CACFD1: variants seen among roughly 807,000 people sequenced by gnomAD.
CACFD1 encodes calcium channel flower homolog.
In CACFD1, 26 loss-of-function variants were observed where a neutral mutation model predicts 21.3. The observed-to-expected ratio is 1.22, with a 90% CI of 0.89 to 1.69. The LOEUF is 1.69. CACFD1 is among the 40% of genes most tolerant of loss of function. The pLI, the probability that CACFD1 is intolerant of heterozygous loss-of-function variation, is 0.00. For missense variants in CACFD1, 265 were observed against 236.2 expected (o/e 1.12, Z -0.80); for synonymous variants, 121 against 106.6 (o/e 1.13, Z -0.83).
chr9:133,470,416 CAGG>C lies in CACFD1; in HGVS notation c.*1766_*1768del, dbSNP rs1302699636. The C allele has an allele frequency of 6.6e-6, 1 of 152,512 alleles. No individual in the cohort carries two copies. Among genetic ancestry groups the C allele is most frequent in the Non-Finnish European group, 1.5e-5 (1 of 68,226 alleles). 9.4% of individuals were successfully genotyped at this position (152,512 alleles called of 1,614,324 possible). On this transcript the variant is annotated 3_prime_UTR_variant, in exon 5 of 5. Transcript: ENST00000316948. ...GGGTCTCACTGACAGCCAGAGACAG[CAGG>C]AGAAGGGTTGGCTGTGGATCAAGGA...
At chr9:133,467,593 G>T (rs1008142853) in intron 3 of CACFD1, among the ~76,000 whole-genome samples, 1 of 152,236 alleles carries the variant, frequency 6.6e-6, no homozygotes, top group Non-Finnish European at 1.5e-5. Context: ...TGGATGGGAA[G>T]CCAGATTCTC....
intron 3 of CACFD1, among the ~76,000 whole-genome samples, chr9:133,467,681 G>A (rs986237441): frequency 2.6e-5 from 4 of 152,162 alleles, no homozygotes; most frequent in Non-Finnish European, 4.4e-5. Context: ...CTCTTTTTGG[G>A]ATCACAGACC....
Position 133,465,650 on chromosome 9 carries a change from C to T in CACFD1, c.320+203C>T, listed in dbSNP as rs1843408154. 1.0e-5 allele frequency: 6 copies of T among 586,118 alleles called. No homozygotes were observed. Among genetic ancestry groups the T allele is most frequent in the Admixed American group, 3.1e-5 (1 of 31,952 alleles). 36.3% of individuals were successfully genotyped at this position (586,118 alleles called of 1,614,324 possible). ...GTTCTGCGCCCAGGAACTCAGCTGT[C>T]GCTGTGCCGTAGTCACTGGAAGGTT... On this transcript the variant is annotated intron_variant, in intron 3 of 4. Transcript: ENST00000316948. The surrounding 1 kb of genome is among the most constrained non-coding windows in gnomAD (Gnocchi z 5.0).
At position 133,469,936 on chromosome 9, in the gene CACFD1, T is replaced by TGGGAGTGGCATTTGAGGCC. The variant is rs1843615997; in HGVS notation, c.*1294_*1295insTTGAGGCCGGGAGTGGCAT. 6.6e-6 allele frequency: 1 copy of TGGGAGTGGCATTTGAGGCC among 152,406 alleles called. No individual in the cohort carries two copies. The highest frequency in any genetic ancestry group is 1.5e-5 in the Non-Finnish European group (1 of 68,212). The allele number at this position is 152,406 out of a possible 1,614,324, so 9.4% of individuals were successfully genotyped here. ...TCTCGGGCCCATCTGCGTCTGAGGC[T>TGGGAGTGGCATTTGAGGCC]GGGAGTGGCATCTGAGGCCGGGAGT... On this transcript the variant is annotated 3_prime_UTR_variant, in exon 5 of 5. Transcript: ENST00000316948.
In CACFD1 at chr9:133,464,047, G is replaced by A. The variant is rs782170534; in HGVS notation, c.194+492G>A. 4.6e-5 allele frequency among the ~76,000 whole-genome samples: 7 copies of A among 152,314 alleles called. No homozygotes were observed. The East Asian group carries it at 7.7e-4, about 17-fold the overall frequency. Reference sequence around the variant, plus strand: ...GGGAGAGGCGGGTCGGAGTTGTCACGGGAACCCGTGGTCAGAACACCCTCA... The same window carrying A: ...GGGAGAGGCGGGTCGGAGTTGTCACAGGAACCCGTGGTCAGAACACCCTCA... On this transcript the variant is annotated intron_variant, in intron 2 of 4. Coordinates refer to ENST00000316948, the MANE Select transcript of CACFD1 (RefSeq NM_017586.5).
chr9:133,460,149 G>A lies in CACFD1; in HGVS notation c.83G>A (p.Arg28His), dbSNP rs140916557. The stretch of plus-strand genomic sequence containing the variant: ...GAAGAGGGCATGACGTGGTGGTACC[G>A]CTGGCTGTGTCGCCTGTCTGGGGTG... ...AQEEGMTWWY[R>H]WLCRLSGVLG... Residue 28 changes from arginine to histidine, a missense_variant, in exon 1 of 5, where the codon CGC (arginine) becomes CAC (histidine). Transcript: ENST00000316948. 1 of 1,559,390 alleles carries A rather than the reference G, an allele frequency of 6.4e-7. No homozygotes were observed. Among genetic ancestry groups the A allele is most frequent in the East Asian group, 2.4e-5 (1 of 41,560 alleles).
chr9:133,468,682 C>T lies in CACFD1; in HGVS notation c.*29C>T, dbSNP rs1554800219. ...GCTGGGCGCCCCTCCCTCCCTGTCC[C>T]CTCTTCTGGCTCTGTGTGGGTCCAA... On this transcript the variant is annotated 3_prime_UTR_variant, in exon 5 of 5. Transcript: ENST00000316948. The T allele has an allele frequency of 4.5e-6, 7 of 1,544,250 alleles. No individual in the cohort carries two copies. The South Asian group carries it at 4.8e-5, about 11-fold the overall frequency.
In CACFD1 at chr9:133,468,635, C is replaced by G; in HGVS notation, c.501C>G (p.Thr167=). The G allele has an allele frequency of 1.3e-6, 2 of 1,582,114 alleles. No homozygotes were observed. The highest frequency in any genetic ancestry group is 1.2e-5 in the South Asian group (1 of 86,328). Residue 167 remains threonine, a synonymous_variant, in exon 5 of 5, where the codon ACC becomes ACG. Coordinates refer to ENST00000316948, the MANE Select transcript of CACFD1 (RefSeq NM_017586.5). ...QQADEEKLAE[T]LEGEL ...CGGATGAGGAGAAGCTCGCGGAGAC[C>G]CTGGAGGGGGAGCTGTGAAGGGCTG... is the stretch of plus-strand genomic sequence containing the variant.
rs782495897 is a variant in CACFD1, at chr9:133,468,080, C to G, written c.428+52C>G. 6 of 1,461,764 alleles carry G rather than the reference C, an allele frequency of 4.1e-6. No individual in the cohort carries two copies. In the African/African-American group the frequency reaches 8.4e-5, roughly 20 times the overall value. The allele number at this position is 1,461,764 out of a possible 1,614,324, so 90.5% of individuals were successfully genotyped here. On this transcript the variant is annotated intron_variant, in intron 4 of 4. Transcript: ENST00000316948. ...GCAGGGCCTTCCTCCCTCCGCCCCC[C>G]GAAGTCCTTCAGTGAGGAGGATCTG...
Position 133,465,702 on chromosome 9 carries a change from C to T in CACFD1, c.320+255C>T, listed in dbSNP as rs587665047. ...AGAGGTATATGAGCATGTGTGGCAG[C>T]ATCCGTGCAGTGGAGAGAAAGTGGG... On this transcript the variant is annotated intron_variant, in intron 3 of 4. Coordinates refer to ENST00000316948, the MANE Select transcript of CACFD1 (RefSeq NM_017586.5). This position sits in a 1 kb window ranked among gnomAD's most constrained non-coding sequence, Gnocchi z 5.0. 2.1e-6 allele frequency: 1 copy of T among 472,570 alleles called. No individual in the cohort carries two copies. The highest frequency in any genetic ancestry group is 3.8e-6 in the Non-Finnish European group (1 of 265,174). 29.3% of individuals were successfully genotyped at this position (472,570 alleles called of 1,614,324 possible).
chr9:133,462,852 G>C (rs1415491943), intron 1 of CACFD1, among the ~76,000 whole-genome samples: 1 of 152,250 alleles, frequency 6.6e-6, no homozygotes, highest in East Asian at 1.9e-4. Flanking sequence ...TGGCTGGGCT[G>C]TGGGACTTGC....
Position 133,460,006 on chromosome 9 carries a change from C to G in CACFD1, c.-61C>G, listed in dbSNP as rs587693725. 1.4e-6 allele frequency: 2 copies of G among 1,466,960 alleles called. No homozygotes were observed. The highest frequency in any genetic ancestry group is 1.8e-6 in the Non-Finnish European group (2 of 1,111,044). 90.9% of individuals were successfully genotyped at this position (1,466,960 alleles called of 1,614,324 possible). A position where few individuals can be genotyped will look rare whatever the true frequency, so the allele number is the denominator to read the frequency against. On this transcript the variant is annotated 5_prime_UTR_variant, in exon 1 of 5. Coordinates refer to ENST00000316948, the MANE Select transcript of CACFD1 (RefSeq NM_017586.5). ...TCTCCCACAAGGCAGCGCGCCGGCT[C>G]GGACGCGGCCGGCTACCGAGCCCTT...
Position 133,460,040 on chromosome 9 carries a change from C to A in CACFD1, c.-27C>A. Reference sequence around the variant, plus strand: ...CCGGCTACCGAGCCCTTTGTGAGGGCTGTGAGCTGCGCCTGACGGTGGCAC... The same window carrying A: ...CCGGCTACCGAGCCCTTTGTGAGGGATGTGAGCTGCGCCTGACGGTGGCAC... On this transcript the variant is annotated 5_prime_UTR_variant, in exon 1 of 5. In the 5' UTR this introduces an upstream ATG that the reference lacks. Coordinates refer to ENST00000316948, the MANE Select transcript of CACFD1 (RefSeq NM_017586.5). The A allele has an allele frequency of 6.5e-7, 1 of 1,538,362 alleles. No individual in the cohort carries two copies.
In CACFD1 at chr9:133,469,333, T is replaced by G. The variant is rs1843578223; in HGVS notation, c.*680T>G. ...CCTGGGCCTGCTGGGGCCCCTAGGT[T>G]CTGCCCATCACCCCCCGCCCCTGCT... On this transcript the variant is annotated 3_prime_UTR_variant, in exon 5 of 5. Coordinates refer to ENST00000316948, the MANE Select transcript of CACFD1 (RefSeq NM_017586.5). The G allele has an allele frequency of 6.6e-6, 1 of 152,378 alleles. No individual in the cohort carries two copies. The highest frequency in any genetic ancestry group is 1.5e-5 in the Non-Finnish European group (1 of 68,226). The allele number at this position is 152,378 out of a possible 1,614,324, so 9.4% of individuals were successfully genotyped here. A position where few individuals can be genotyped will look rare whatever the true frequency, so the allele number is the denominator to read the frequency against.
At chr9:133,461,804 C>A in intron 1 of CACFD1, 2 of 915,198 alleles carry the variant, frequency 2.2e-6, no homozygotes, top group Non-Finnish European at 2.6e-6. Flanking sequence ...CATCAAAATG[C>A]TGTATTACAG....
chr9:133,460,164 T>A lies in CACFD1; in HGVS notation c.98T>A (p.Leu33Gln). ...MTWWYRWLCR[L>Q]SGVLGAVSCA... ...TGGTGGTACCGCTGGCTGTGTCGCC[T>A]GTCTGGGGTGCTGGGGGCAGTCTGT... The change falls in exon 1 of 5, where the codon CTG becomes CAG. Residue 33 changes from leucine (L) to glutamine (Q), a missense_variant. By Grantham distance (113) the Leu-to-Gln change is moderately radical (BLOSUM62 -2). Transcript: ENST00000316948. The A allele has an allele frequency of 6.4e-7, 1 of 1,556,576 alleles. No individual in the cohort carries two copies. The highest frequency in any genetic ancestry group is 1.2e-5 in the South Asian group (1 of 84,968).
At chr9:133,467,833 GA>G in intron 3 of CACFD1, 87 bp from the exon 4 acceptor site, 1 of 947,300 alleles carries the variant, frequency 1.1e-6, no homozygotes. Flanking sequence ...GGGTGTCTAG[GA>G]AGGATGCTGG....
At chr9:133,460,238 C>CGCCCTGCCCT (rs782209844) in intron 1 of CACFD1, 51 bp downstream of exon 1, 3 of 1,457,278 alleles carry the variant, frequency 2.1e-6, no homozygotes, top group Non-Finnish European at 2.7e-6. Context: ...ATGCGCTCCT[C>CGCCCTGCCCT]GCCCTGCCCT....
intron 2 of CACFD1, among the ~76,000 whole-genome samples, chr9:133,464,365 C>T (rs1554799117): frequency 6.6e-6 from 1 of 152,152 alleles, no homozygotes; most frequent in East Asian, 1.9e-4. Flanking sequence ...GAGAGGCGCC[C>T]AGCCCAGCTT....
Sources: gnomAD v4.1 joint callset for allele counts (sites outside exome capture counted in the v4.1 genomes callset) on GRCh38, gnomAD v4.1.1 for gene constraint, Gnocchi (gnomAD v3.1) non-coding constraint, MANE v1.5 for transcripts, NCBI Gene and HGNC (gene_info 2026-07-23, HGNC 2026-07-21) for gene names.